Variants in RAB4B observed in about 807,000 individuals in gnomAD.
RAB4B encodes the protein ras-related protein Rab-4B.
Under a neutral mutation model 28.3 loss-of-function variants are expected in RAB4B, and 15 were observed. That is an observed-to-expected ratio of 0.53 (90% CI 0.35 to 0.82). The LOEUF (loss-of-function observed/expected upper bound fraction) is 0.82, where lower values mean the gene tolerates loss of function less well. Among genes scored for constraint, RAB4B ranks in the 40% least tolerant of loss-of-function variants. The pLI is 0.01. For missense variants in RAB4B, 244 were observed against 288.5 expected, an observed-to-expected ratio of 0.85 and a Z score of 1.12; for synonymous variants, 108 against 116.3, an observed-to-expected ratio of 0.93 and a Z score of 0.46.
chr19:40,792,867 A>G (rs902427166), intron 7 of RAB4B, among the ~76,000 whole-genome samples: 17 of 151,752 alleles, frequency 1.1e-4, no homozygotes, highest in Admixed American at 5.9e-4. Context: ...TGCAAGCTCC[A>G]CTTCCAGGGT....
chr19:40,782,727 C>T (rs921692364), intron 3 of RAB4B, among the ~76,000 whole-genome samples: 2 of 152,072 alleles, frequency 1.3e-5, no homozygotes, highest in Admixed American at 1.3e-4. Context: ...GCAGGAGAAT[C>T]ACTTGCATCC....
At chr19:40,779,987 G>A in intron 1 of RAB4B, 32 bp from the exon 2 acceptor site, 1 of 1,610,264 alleles carries the variant, frequency 6.2e-7, no homozygotes, top group Non-Finnish European at 8.5e-7. Flanking sequence ...CTCTCCCTGT[G>A]GGTATCCCTG....
intron 7 of RAB4B, among the ~76,000 whole-genome samples, chr19:40,795,940 C>T (rs1170028600): frequency 6.6e-6 from 1 of 152,048 alleles, no homozygotes; most frequent in Non-Finnish European, 1.5e-5. Context: ...CTCCCGACTT[C>T]AGGTGATCTG....
intron 7 of RAB4B, among the ~76,000 whole-genome samples, chr19:40,793,565 CTTTTTTGTTTTT>C (rs2083178740): frequency 1.6e-5 from 2 of 123,872 alleles, no homozygotes; most frequent in East Asian, 5.0e-4. Flanking sequence ...CTTTTCTTTT[CTTTTTTGTTTTT>C]TTTTTTTTTT....
chr19:40,779,158 A>C (rs1325404671), intron 1 of RAB4B: 1 of 306,046 alleles, frequency 3.3e-6, no homozygotes, highest in Admixed American at 6.5e-5. Flanking sequence ...AACAAGGGCT[A>C]TATCGTAGTC....
At chr19:40,787,823 A>G (rs1293567695) in intron 7 of RAB4B, among the ~76,000 whole-genome samples, 1 of 151,440 alleles carries the variant, frequency 6.6e-6, no homozygotes, top group Non-Finnish European at 1.5e-5. Context: ...TTAGCCAGGC[A>G]TGGTGGTACA....
intron 7 of RAB4B, among the ~76,000 whole-genome samples, chr19:40,791,860 C>T (rs890908956): frequency 1.3e-5 from 2 of 152,162 alleles, no homozygotes; most frequent in African/African-American, 4.8e-5. Flanking sequence ...TCACAAACTC[C>T]TGGCCTCAAG....
Position 40,787,010 on chromosome 19 carries a change from C to T in RAB4B, c.*15+32C>T, listed in dbSNP as rs563470240. On this transcript the variant is annotated intron_variant, in intron 7 of 7. Coordinates refer to ENST00000357052, the MANE Select transcript of RAB4B (RefSeq NM_016154.5). ...CACTGGGGGCTTTAGGGAGGCAGGG[C>T]GGCCTCTTGGGCATGGGGGAGATGG... is the stretch of plus-strand genomic sequence containing the variant. The T allele has an allele frequency of 1.7e-4, 267 of 1,579,672 alleles. 2 individuals carry two copies. In the South Asian group the frequency reaches 2.5e-3, roughly 15 times the overall value.
In RAB4B at chr19:40,783,965, G is replaced by A. The variant is rs556443632; in HGVS notation, c.320G>A (p.Arg107His). 6.5e-5 allele frequency: 105 copies of A among 1,613,728 alleles called. No homozygotes were observed. The South Asian group carries it at 7.2e-4, about 11-fold the overall frequency. ...CTGGCTGCCTGGCTGACGGATGCCC[G>A]CACCCTGGCCAGCCCCAACATCGTG... ...NSLAAWLTDA[R>H]TLASPNIVVI... The change falls in exon 5 of 8, where the codon CGC (arginine) becomes CAC (histidine). Residue 107 changes from arginine to histidine, a missense_variant. By Grantham distance (29) the Arg-to-His change is conservative. Transcript: ENST00000357052.
rs2083028435 is a variant in RAB4B, at chr19:40,779,661, T to C, written c.17-358T>C. ...GGGAGGCTGAGGCAGGAGAATTGCT[T>C]GAACCTGGGAGGTGGAGGTTGCGGT... is the stretch of plus-strand genomic sequence containing the variant. On this transcript the variant is annotated intron_variant, in intron 1 of 7. Coordinates refer to ENST00000357052, the MANE Select transcript of RAB4B (RefSeq NM_016154.5). 10 of 245,446 alleles carry C rather than the reference T, an allele frequency of 4.1e-5. No homozygotes were observed. The South Asian group carries it at 4.4e-4, about 11-fold the overall frequency. The allele number at this position is 245,446 out of a possible 1,614,324, so 15.2% of individuals were successfully genotyped here. A position where few individuals can be genotyped will look rare whatever the true frequency, so the allele number is the denominator to read the frequency against.
chr19:40,794,161 G>A (rs1332310995), intron 7 of RAB4B, among the ~76,000 whole-genome samples: 7 of 151,286 alleles, frequency 4.6e-5, no homozygotes, highest in African/African-American at 1.7e-4. Context: ...TGAAATCTCC[G>A]CCTCTCAAGT....
chr19:40,790,857 T>TA (rs113850528), intron 7 of RAB4B, among the ~76,000 whole-genome samples: 1,565 of 40,092 alleles, frequency 0.039, 33 homozygotes, highest in African/African-American at 0.096. Flanking sequence ...AATTTTTGTA[T>TA]TTTTTTTTTT....
intron 7 of RAB4B, among the ~76,000 whole-genome samples, chr19:40,795,002 A>C (rs924083741): frequency 3.5e-4 from 52 of 147,348 alleles, no homozygotes; most frequent in Non-Finnish European, 6.3e-4. Flanking sequence ...AAATACAAAA[A>C]AAAAAAAAAA....
chr19:40,786,801 C>A (rs2083103858), intron 6 of RAB4B, 41 bp downstream of exon 6: 4 of 1,614,102 alleles, frequency 2.5e-6, no homozygotes, highest in Non-Finnish European at 3.4e-6. Context: ...AAGGGCAGGC[C>A]CGGGGGTCTC....
At chr19:40,795,169 C>CAAAAA (rs1167818145) in intron 7 of RAB4B, among the ~76,000 whole-genome samples, 1 of 60,348 alleles carries the variant, frequency 1.7e-5, no homozygotes, top group Non-Finnish European at 3.1e-5. Flanking sequence ...GCTCCATCTC[C>CAAAAA]AAAAAAAAAA....
At chr19:40,791,647 T>A (rs1009124774) in intron 7 of RAB4B, among the ~76,000 whole-genome samples, 9 of 150,706 alleles carry the variant, frequency 6.0e-5, no homozygotes, top group African/African-American at 2.2e-4. Context: ...CAAACTTTTG[T>A]TTTTTTTTGA....
In RAB4B at chr19:40,783,977, G is replaced by A. The variant is rs767742665; in HGVS notation, c.332G>A (p.Ser111Asn). ...AWLTDARTLA[S>N]PNIVVILCGN... ...CTGACGGATGCCCGCACCCTGGCCAGCCCCAACATCGTGGTCATCCTCTGT... is the reference window on the plus strand; with the variant it reads ...CTGACGGATGCCCGCACCCTGGCCAACCCCAACATCGTGGTCATCCTCTGT... The change falls in exon 5 of 8, where the codon AGC becomes AAC. Residue 111 changes from serine to asparagine, a missense_variant. Ser to Asn is a conservative substitution (Grantham distance 46). Coordinates refer to ENST00000357052, the MANE Select transcript of RAB4B (RefSeq NM_016154.5). 4.3e-6 allele frequency: 7 copies of A among 1,614,004 alleles called. No homozygotes were observed. Among genetic ancestry groups the A allele is most frequent in the Non-Finnish European group, 5.9e-6 (7 of 1,179,966 alleles).
At chr19:40,785,342 C>CA (rs59914589) in intron 5 of RAB4B, among the ~76,000 whole-genome samples, 18,298 of 49,636 alleles carry the variant, frequency 0.37, 3,214 homozygotes, top group African/African-American at 0.53. Context: ...CCTGCCTCTA[C>CA]AAAAAAAAAA....
intron 3 of RAB4B, among the ~76,000 whole-genome samples, chr19:40,781,796 C>T (rs1009160369): frequency 2.6e-5 from 4 of 151,854 alleles, no homozygotes; most frequent in African/African-American, 7.3e-5. Context: ...CCGAGGCGGG[C>T]GGATCACGAG....
Sources: allele counts gnomAD v4.1 joint callset (sites outside exome capture counted in the v4.1 genomes callset), GRCh38; gene constraint gnomAD v4.1.1; transcripts MANE v1.5; gene names NCBI Gene and HGNC (gene_info 2026-07-23, HGNC 2026-07-21).